CDH22: variants seen among roughly 807,000 people sequenced by gnomAD.
CDH22 encodes cadherin 22, also known as cadherin-22.
Under a neutral mutation model 58.4 loss-of-function variants are expected in CDH22, and 30 were observed. The ratio of observed to expected loss-of-function variants is 0.51; its 90% CI spans 0.38 to 0.70. The LOEUF (loss-of-function observed/expected upper bound fraction) is 0.70, where lower values mean the gene tolerates loss of function less well. Ranked by LOEUF, CDH22 falls within the 30% of genes least tolerant of loss-of-function variation. The pLI, the probability that CDH22 is intolerant of heterozygous loss-of-function variation, is 0.00. For synonymous variants in CDH22, 513 were observed against 558.2 expected, an observed-to-expected ratio of 0.92 and a Z score of 1.14; for missense variants, 1,014 against 1,233.9, an observed-to-expected ratio of 0.82 and a Z score of 2.67.
At chr20:46,184,052 G>T (rs1238854893) in intron 10 of CDH22, among the ~76,000 whole-genome samples, 1 of 151,812 alleles carries the variant, frequency 6.6e-6, no homozygotes, top group Admixed American at 6.6e-5. Context: ...TCCTTCCCAG[G>T]CCACCCTATT....
chr20:46,267,397 C>T (rs961668265), intron 1 of CDH22, among the ~76,000 whole-genome samples: 1 of 152,186 alleles, frequency 6.6e-6, no homozygotes, highest in African/African-American at 2.4e-5. Context: ...CCAGTGTGAG[C>T]TCTTATTGCT....
At chr20:46,275,310 A>G (rs1405822701) in intron 1 of CDH22, among the ~76,000 whole-genome samples, 1 of 152,134 alleles carries the variant, frequency 6.6e-6, no homozygotes, top group East Asian at 1.9e-4. Flanking sequence ...GCTGTTCGCC[A>G]AGTCTGGATG....
In CDH22 at chr20:46,216,933, A is replaced by G; in HGVS notation, c.731T>C (p.Val244Ala). ...ACCCGCCATGTCTGTGGCCTGGATCACCACCTCGTAGCGCTCCTGGCTCTC... is the reference window on the plus strand; with the variant it reads ...ACCCGCCATGTCTGTGGCCTGGATCGCCACCTCGTAGCGCTCCTGGCTCTC... ...DRESQERYEVVIQATDMAGQL... is the reference protein window; with the variant it reads ...DRESQERYEVAIQATDMAGQL... The change falls in exon 5 of 12, where the codon GTG (valine) becomes GCG (alanine). Residue 244 changes from valine to alanine, a missense_variant. By Grantham distance (64) the Val-to-Ala change is moderately conservative. This residue lies in a region of CDH22 where 806 missense variants were observed against 1,038.7 expected (regional missense o/e 0.78). Transcript: ENST00000537909. The surrounding 1 kb of genome is among the most constrained non-coding windows in gnomAD (Gnocchi z 5.3). The G allele has an allele frequency of 1.9e-6, 3 of 1,609,848 alleles. No homozygotes were observed. Among genetic ancestry groups the G allele is most frequent in the Non-Finnish European group, 2.5e-6 (3 of 1,176,652 alleles).
Position 46,229,846 on chromosome 20 carries a change from G to C in CDH22, c.551-2219C>G, listed in dbSNP as rs189805716. Among the ~76,000 whole-genome samples the C allele has an allele frequency of 2.4e-3, 368 of 152,154 alleles. 1 individual carries two copies. Among genetic ancestry groups the C allele is most frequent in the African/African-American group, 8.3e-3 (345 of 41,498 alleles). ...AGAGGGTCTCCCTGTCACTCCCCTG[G>C]CAAGTCCCTCCCACTCCCTGGGCAA... On this transcript the variant is annotated intron_variant, in intron 3 of 11. Transcript: ENST00000537909.
chr20:46,301,946 A>G (rs1402391959), intron 1 of CDH22, among the ~76,000 whole-genome samples: 2 of 152,200 alleles, frequency 1.3e-5, no homozygotes, highest in South Asian at 2.1e-4. Context: ...CCTGGACAGG[A>G]GGTCCCCACC....
At chr20:46,307,806 C>CT (rs2059030702) in intron 1 of CDH22, among the ~76,000 whole-genome samples, 1 of 152,012 alleles carries the variant, frequency 6.6e-6, no homozygotes, top group African/African-American at 2.4e-5. Context: ...GCCGGGGAGC[C>CT]GAGCCCCGCT....
intron 4 of CDH22, among the ~76,000 whole-genome samples, chr20:46,217,968 C>T (rs1357167914): frequency 1.3e-5 from 2 of 151,602 alleles, no homozygotes; most frequent in Non-Finnish European, 2.9e-5. Context: ...ACTTTGTTGC[C>T]CAGGCTGGAG....
chr20:46,268,575 CTT>C (rs2086473161), intron 1 of CDH22, among the ~76,000 whole-genome samples: 1 of 152,242 alleles, frequency 6.6e-6, no homozygotes, highest in Admixed American at 6.5e-5. Context: ...TATGGCCTCT[CTT>C]TGCAGGCAGC....
chr20:46,260,923 C>T (rs1002903904), intron 1 of CDH22, among the ~76,000 whole-genome samples: 5 of 152,162 alleles, frequency 3.3e-5, no homozygotes, highest in African/African-American at 1.2e-4. Context: ...AGAGCGACCC[C>T]CAGACAGAAC....
At chr20:46,180,439 G>T (rs2085776570) in intron 10 of CDH22, among the ~76,000 whole-genome samples, 1 of 152,194 alleles carries the variant, frequency 6.6e-6, no homozygotes, top group Non-Finnish European at 1.5e-5. Context: ...TCCCCCCAAA[G>T]GATGCGTCAA....
chr20:46,197,827 T>C (rs1263975932), intron 8 of CDH22, among the ~76,000 whole-genome samples: 2 of 152,084 alleles, frequency 1.3e-5, no homozygotes, highest in Non-Finnish European at 2.9e-5. Flanking sequence ...AACTTCAGCC[T>C]AGGGACTTCC....
At chr20:46,185,300 A>G (rs1205013758) in intron 10 of CDH22, among the ~76,000 whole-genome samples, 3 of 152,024 alleles carry the variant, frequency 2.0e-5, no homozygotes, top group African/African-American at 4.8e-5. Flanking sequence ...TAAAGGTTCA[A>G]ACATCAACAT....
At chr20:46,239,104 T>A (rs1047638822) in intron 3 of CDH22, among the ~76,000 whole-genome samples, 2 of 152,230 alleles carry the variant, frequency 1.3e-5, no homozygotes, top group Non-Finnish European at 2.9e-5. Context: ...ACTGGACCAA[T>A]GATCTAGTTG....
intron 10 of CDH22, among the ~76,000 whole-genome samples, chr20:46,180,926 TTGTGTGTGTGTGTGTG>T (rs11471209): frequency 7.0e-6 from 1 of 142,492 alleles, no homozygotes; most frequent in Non-Finnish European, 1.5e-5. Flanking sequence ...AAAGTTTGTT[TTGTGTGTGTGTGTGTG>T]TGTGTGTGTG....
intron 4 of CDH22, among the ~76,000 whole-genome samples, chr20:46,221,307 A>G (rs191887592): frequency 1.4e-5 from 2 of 144,752 alleles, no homozygotes; most frequent in African/African-American, 5.1e-5. Flanking sequence ...ACATAGCTCT[A>G]GATGACTGAT....
Position 46,174,833 on chromosome 20 carries a change from G to C in CDH22, c.2160C>G (p.Ser720Arg). 1.4e-6 allele frequency: 2 copies of C among 1,387,222 alleles called. No individual in the cohort carries two copies. The highest frequency in any genetic ancestry group is 3.1e-5 in the East Asian group (1 of 32,324). 85.9% of individuals were successfully genotyped at this position (1,387,222 alleles called of 1,614,324 possible). A position where few individuals can be genotyped will look rare whatever the true frequency, so the allele number is the denominator to read the frequency against. The change falls in exon 12 of 12, where the codon AGC (serine) becomes AGG (arginine). Residue 720 changes from serine (S) to arginine (R), a missense_variant. Physicochemically the swap from Ser to Arg is moderately radical, Grantham distance 110. Transcript: ENST00000537909. The surrounding 1 kb of genome is among the most constrained non-coding windows in gnomAD (Gnocchi z 4.4). ...AGGGSGGGAG[S>R]PPQAHLPSER... The stretch of plus-strand genomic sequence containing the variant: ...CGGAGGGCAGGTGGGCCTGCGGGGG[G>C]CTGCCCGCGCCCCCGCCCGAGCCCC...
chr20:46,211,461 G>A (rs1328728643), intron 6 of CDH22, among the ~76,000 whole-genome samples: 2 of 152,224 alleles, frequency 1.3e-5, no homozygotes, highest in African/African-American at 4.8e-5. Flanking sequence ...CAGGATGCAG[G>A]GAGGCAGGCG....
Position 46,280,492 on chromosome 20 carries a change from G to A in CDH22, c.-400+27763C>T, listed in dbSNP as rs147213196. Among the ~76,000 whole-genome samples, 500 of 152,294 alleles carry A rather than the reference G, an allele frequency of 3.3e-3. 6 individuals are homozygous for A. Among genetic ancestry groups the A allele is most frequent in the African/African-American group, 0.012 (483 of 41,552 alleles). On this transcript the variant is annotated intron_variant, in intron 1 of 11. Transcript: ENST00000537909. ...TGTCATTAGGATAATGATGGTGGGG[G>A]CAGAGTCCTCTGAGCACCTTCTCAG...
At chr20:46,259,890 G>A (rs1221462660) in intron 1 of CDH22, among the ~76,000 whole-genome samples, 1 of 152,200 alleles carries the variant, frequency 6.6e-6, no homozygotes, top group Non-Finnish European at 1.5e-5. Flanking sequence ...AGAAAAAAAA[G>A]AGTTATGGGA....
Sources: gnomAD v4.1 joint callset for allele counts (sites outside exome capture counted in the v4.1 genomes callset) on GRCh38, gnomAD v4.1.1 for gene constraint, gnomAD v4.1.1 regional missense constraint, Gnocchi (gnomAD v3.1) non-coding constraint, MANE v1.5 for transcripts, NCBI Gene and HGNC (gene_info 2026-07-23, HGNC 2026-07-21) for gene names.